Variants in DYNC2H1 observed in about 807,000 individuals in gnomAD.
DYNC2H1 encodes dynein cytoplasmic 2 heavy chain 1.
In DYNC2H1, 410 loss-of-function variants were observed where a neutral mutation model predicts 570.0. The ratio of observed to expected loss-of-function variants is 0.72; its 90% CI spans 0.66 to 0.78. The LOEUF (loss-of-function observed/expected upper bound fraction) is 0.78, where lower values mean the gene tolerates loss of function less well. Among genes scored for constraint, DYNC2H1 ranks in the 30% least tolerant of loss-of-function variants. DYNC2H1 has a pLI of 0.00. For missense variants in DYNC2H1, 4,865 were observed against 5,046.4 expected, an observed-to-expected ratio of 0.96 and a Z score of 1.09; for synonymous variants, 1,688 against 1,677.6, an observed-to-expected ratio of 1.01 and a Z score of -0.15.
intron 34 of DYNC2H1, among the ~76,000 whole-genome samples, chr11:103,172,674 A>T (rs1861623287): frequency 6.6e-6 from 1 of 152,004 alleles, no homozygotes; most frequent in Admixed American, 6.6e-5. Flanking sequence ...TACCAGATAG[A>T]CTCTGAGCTC....
intron 88 of DYNC2H1, among the ~76,000 whole-genome samples, chr11:103,470,750 ATTTTT>A (rs1945353545): frequency 6.6e-6 from 1 of 152,110 alleles, no homozygotes; most frequent in Admixed American, 6.6e-5. Flanking sequence ...TGAACTCATC[ATTTTT>A]TATGGCTGCA....
rs756188693 is a variant in DYNC2H1 at position 103,236,447 on chromosome 11, T to A, written c.9727T>A (p.Phe3243Ile). Residue 3243 changes from phenylalanine (F) to isoleucine (I), a missense_variant, in exon 63 of 89, where the codon TTT becomes ATT. Phe to Ile is a conservative substitution (Grantham distance 21, BLOSUM62 0). Transcript: ENST00000375735. ...CTTTTCAGAATTTGATCTGAGGAGA[T>A]TTCTTTGTACTGAAAGTGAGCAGTT... ...AGLEKFDLRRFLCTESEQLIW... is the reference protein window; with the variant it reads ...AGLEKFDLRRILCTESEQLIW... The A allele has an allele frequency of 6.2e-7, 1 of 1,604,264 alleles. No individual in the cohort carries two copies. Among genetic ancestry groups the A allele is most frequent in the East Asian group, 2.2e-5 (1 of 44,598 alleles).
chr11:103,385,305 G>A (rs2671398), intron 83 of DYNC2H1, among the ~76,000 whole-genome samples: 99,629 of 151,874 alleles, frequency 0.66, 33,002 homozygotes, highest in Admixed American at 0.72. Flanking sequence ...TTGGATGTAT[G>A]TTAGACCTTT....
At chr11:103,441,694 T>C (rs1944273703) in intron 85 of DYNC2H1, among the ~76,000 whole-genome samples, 1 of 152,200 alleles carries the variant, frequency 6.6e-6, no homozygotes, top group African/African-American at 2.4e-5. Flanking sequence ...TTCTGTAGTA[T>C]TTCATTATCT....
rs372121886 is a variant in DYNC2H1, at chr11:103,242,533, C to T, written c.9820-1160C>T. Among the ~76,000 whole-genome samples the T allele has an allele frequency of 1.5e-4, 23 of 152,218 alleles. 1 individual carries two copies. The highest frequency in any genetic ancestry group is 8.3e-4 in the South Asian group (4 of 4,826). ...TGTGTTCTCTTATTCTTATAGCACA[C>T]AATTGCATTACATTTTTCAAATAAA... On this transcript the variant is annotated intron_variant, in intron 63 of 88. Transcript: ENST00000375735.
rs1383407473 is a variant in DYNC2H1, at chr11:103,222,016, T to G, written c.9108-14T>G. 2 of 1,602,066 alleles carry G rather than the reference T, an allele frequency of 1.2e-6. No homozygotes were observed. The highest frequency in any genetic ancestry group is 1.7e-6 in the Non-Finnish European group (2 of 1,176,432). ...TTATTTAGCCTCATTTAAGGAAATA[T>G]GCTTTAATTTTAGTTTCCTTGCAAA... On this transcript the variant is annotated splice_polypyrimidine_tract_variant and intron_variant, in intron 57 of 88. Transcript: ENST00000375735.
At chr11:103,415,263 C>T (rs9735884) in intron 84 of DYNC2H1, among the ~76,000 whole-genome samples, 77,070 of 151,912 alleles carry the variant, frequency 0.51, 19,820 homozygotes, top group African/African-American at 0.6. Flanking sequence ...TGGGCAAGGA[C>T]TTCATGACTA....
At position 103,245,480 on chromosome 11, in the gene DYNC2H1, A is replaced by G. The variant is rs1864580006; in HGVS notation, c.10042+106A>G. The G allele has an allele frequency of 1.8e-6, 2 of 1,108,114 alleles. No homozygotes were observed. Among genetic ancestry groups the G allele is most frequent in the South Asian group, 3.3e-5 (2 of 60,260 alleles). The allele number at this position is 1,108,114 out of a possible 1,614,324, so 68.6% of individuals were successfully genotyped here. On this transcript the variant is annotated intron_variant, in intron 65 of 88. Coordinates refer to ENST00000375735, the MANE Select transcript of DYNC2H1 (RefSeq NM_001377.3). The surrounding 1 kb of genome is among the most constrained non-coding windows in gnomAD (Gnocchi z 4.5). ...GAGTCCTCTTCCAGTGGAGTCACAC[A>G]TGATGGGCTTACTTCCTTCAGCAAT...
intron 70 of DYNC2H1, among the ~76,000 whole-genome samples, chr11:103,273,272 C>T (rs1309865108): frequency 8.6e-5 from 13 of 151,938 alleles, no homozygotes; most frequent in East Asian, 1.9e-4. Flanking sequence ...TCACTGCAAC[C>T]TCTGCCTCCT....
At chr11:103,263,790 C>T (rs1434760960) in intron 70 of DYNC2H1, among the ~76,000 whole-genome samples, 2 of 151,924 alleles carry the variant, frequency 1.3e-5, no homozygotes, top group African/African-American at 2.4e-5. Context: ...CCTAACATCA[C>T]AATTAAAAGA....
intron 82 of DYNC2H1, among the ~76,000 whole-genome samples, chr11:103,329,395 A>T (rs1322766032): frequency 6.8e-6 from 1 of 146,928 alleles, no homozygotes; most frequent in Non-Finnish European, 1.5e-5. Flanking sequence ...TCTTTTCTAG[A>T]ATCATCTCTG....
At chr11:103,168,614 A>G (rs189622545) in intron 31 of DYNC2H1, 141 bp from the exon 32 acceptor site, 2 of 831,892 alleles carry the variant, frequency 2.4e-6, no homozygotes, top group Admixed American at 3.4e-5. Context: ...AGCTTATGTG[A>G]TTTGTATTAC....
intron 31 of DYNC2H1, 118 bp from the exon 32 acceptor site, chr11:103,168,637 A>G (rs1011108245): frequency 2.8e-6 from 3 of 1,063,120 alleles, no homozygotes; most frequent in Admixed American, 2.5e-5. Context: ...TACCATTCAT[A>G]TGTGTCATGA....
At chr11:103,458,604 TA>T (rs895075663) in intron 87 of DYNC2H1, among the ~76,000 whole-genome samples, 350 of 151,460 alleles carry the variant, frequency 2.3e-3, no homozygotes, top group African/African-American at 7.7e-3. Context: ...GTTAACAGTT[TA>T]AAAAAAAAGC....
chr11:103,287,784 G>A lies in DYNC2H1; in HGVS notation c.11095+179G>A, dbSNP rs1866407853. On this transcript the variant is annotated intron_variant, in intron 75 of 88. Coordinates refer to ENST00000375735, the MANE Select transcript of DYNC2H1 (RefSeq NM_001377.3). ...AAATAATTCTCGGCTGGGCATGGTGGCTCATTCTGTAACTGCCCAACAGGT... is the reference window on the plus strand; with the variant it reads ...AAATAATTCTCGGCTGGGCATGGTGACTCATTCTGTAACTGCCCAACAGGT... 4 of 574,680 alleles carry A rather than the reference G, an allele frequency of 7.0e-6. No individual in the cohort carries two copies. The South Asian group carries it at 9.3e-5, about 13-fold the overall frequency. 35.6% of individuals were successfully genotyped at this position (574,680 alleles called of 1,614,324 possible).
chr11:103,291,722 A>G (rs1866607927), intron 75 of DYNC2H1, among the ~76,000 whole-genome samples: 1 of 152,152 alleles, frequency 6.6e-6, no homozygotes, highest in African/African-American at 2.4e-5. Context: ...TATTTACTTT[A>G]TATCTGGATA....
intron 85 of DYNC2H1, among the ~76,000 whole-genome samples, chr11:103,440,957 T>A (rs997549028): frequency 6.6e-6 from 1 of 152,278 alleles, no homozygotes; most frequent in South Asian, 2.1e-4. Flanking sequence ...CCCATTCTTA[T>A]TGGTTCTCAA....
intron 26 of DYNC2H1, among the ~76,000 whole-genome samples, chr11:103,158,310 G>T (rs1286006726): frequency 6.6e-6 from 1 of 152,170 alleles, no homozygotes; most frequent in Non-Finnish European, 1.5e-5. Flanking sequence ...TTAGCTAGGC[G>T]CGGTGGCGGG....
rs939905399 is a variant in DYNC2H1 at position 103,319,736 on chromosome 11, A to T, written c.11726-1293A>T. On this transcript the variant is annotated intron_variant, in intron 80 of 88. Transcript: ENST00000375735. This position sits in a 1 kb window ranked among gnomAD's most constrained non-coding sequence, Gnocchi z 4.3. Reference sequence around the variant, plus strand: ...TAATGGCTGCTGTTTCTGTTTTATAAGTTGAAAGATACACTAATATGTCTG... The same window carrying T: ...TAATGGCTGCTGTTTCTGTTTTATATGTTGAAAGATACACTAATATGTCTG... Among the ~76,000 whole-genome samples, 11 of 152,206 alleles carry T rather than the reference A, an allele frequency of 7.2e-5. No homozygotes were observed. The highest frequency in any genetic ancestry group is 2.4e-4 in the African/African-American group (10 of 41,454).
Sources: gnomAD v4.1 joint callset for allele counts (sites outside exome capture counted in the v4.1 genomes callset) on GRCh38, gnomAD v4.1.1 for gene constraint, Gnocchi (gnomAD v3.1) non-coding constraint, MANE v1.5 for transcripts, NCBI Gene and HGNC (gene_info 2026-07-23, HGNC 2026-07-21) for gene names.